SV2B: variants seen among roughly 807,000 people sequenced by gnomAD.
SV2B encodes the protein solute carrier family 22 member B2.
SV2B carries 41 observed loss-of-function variants against 73.9 expected under a neutral mutation model. That is an observed-to-expected ratio of 0.56 (90% CI 0.43 to 0.72). The LOEUF is 0.72. Ranked by LOEUF, SV2B falls within the 30% of genes least tolerant of loss-of-function variation. The pLI, the probability that SV2B is intolerant of heterozygous loss-of-function variation, is 0.00. For missense variants in SV2B, 764 were observed against 857.8 expected, an observed-to-expected ratio of 0.89 and a Z score of 1.37; for synonymous variants, 314 against 314.2, an observed-to-expected ratio of 1.00 and a Z score of 0.01.
At chr15:91,131,992 T>C (rs1437426543) in intron 1 of SV2B, among the ~76,000 whole-genome samples, 1 of 151,976 alleles carries the variant, frequency 6.6e-6, no homozygotes, top group Admixed American at 6.6e-5. Flanking sequence ...AAACAAAACT[T>C]AGCCAAGTGT....
At chr15:91,213,998 A>G (rs2045948196) in intron 1 of SV2B, among the ~76,000 whole-genome samples, 1 of 152,230 alleles carries the variant, frequency 6.6e-6, no homozygotes, top group Admixed American at 6.5e-5. Flanking sequence ...AGTGTTATTG[A>G]ATGGTATGTT....
At position 91,258,610 on chromosome 15, in the gene SV2B, G is replaced by T; in HGVS notation, c.918+56G>T. 6.2e-7 allele frequency: 1 copy of T among 1,608,060 alleles called. No homozygotes were observed. Among genetic ancestry groups the T allele is most frequent in the Non-Finnish European group, 8.5e-7 (1 of 1,177,134 alleles). On this transcript the variant is annotated intron_variant, in intron 5 of 12. Transcript: ENST00000394232. The surrounding 1 kb of genome is among the most constrained non-coding windows in gnomAD (Gnocchi z 4.7). ...GTGACAAAACAGCCACAGGAACCCA[G>T]CCTCGCTTCCTTCTCTCAGCTCCTA... is the stretch of plus-strand genomic sequence containing the variant.
chr15:91,190,094 C>T (rs1025320779), intron 1 of SV2B, among the ~76,000 whole-genome samples: 2 of 152,054 alleles, frequency 1.3e-5, no homozygotes, highest in African/African-American at 2.4e-5. Flanking sequence ...TTAGTTATTG[C>T]TGATAAAGAG....
At chr15:91,126,607 A>G (rs1198601321) in intron 1 of SV2B, among the ~76,000 whole-genome samples, 1 of 152,248 alleles carries the variant, frequency 6.6e-6, no homozygotes, top group African/African-American at 2.4e-5. Context: ...AAAATCCTCA[A>G]GAAAAATACT....
intron 1 of SV2B, among the ~76,000 whole-genome samples, chr15:91,187,203 T>A (rs1318023007): frequency 6.6e-6 from 1 of 152,238 alleles, no homozygotes; most frequent in African/African-American, 2.4e-5. Context: ...TGGAGGTGAA[T>A]AATTTATCTG....
At position 91,249,068 on chromosome 15, in the gene SV2B, T is replaced by TCACATACACA. The variant is rs1290015975; in HGVS notation, c.452-2747_452-2746insTACACACACA. ...TGCATGCATCCATACATCTACGTTTTCACACACACACACACACACACACAC... is the reference window on the plus strand; with the variant it reads ...TGCATGCATCCATACATCTACGTTTTCACATACACACACACACACACACACACACACACAC... On this transcript the variant is annotated intron_variant, in intron 2 of 12. Coordinates refer to ENST00000394232, the MANE Select transcript of SV2B (RefSeq NM_001323032.3). Among the ~76,000 whole-genome samples, 324 of 142,112 alleles carry TCACATACACA rather than the reference T, an allele frequency of 2.3e-3. 4 individuals are homozygous for TCACATACACA. The highest frequency in any genetic ancestry group is 8.3e-3 in the African/African-American group (307 of 37,118). The allele number at this position is 142,112 out of a possible 152,430, so 93.2% of individuals were successfully genotyped here.
intron 1 of SV2B, among the ~76,000 whole-genome samples, chr15:91,222,906 T>C (rs2046263290): frequency 6.6e-6 from 1 of 152,254 alleles, no homozygotes; most frequent in Non-Finnish European, 1.5e-5. Flanking sequence ...CTGTTTGATG[T>C]TGTTATTTCA....
rs1385741697 is a variant in SV2B at position 91,122,736 on chromosome 15, A to T, written c.-392+22373A>T. Among the ~76,000 whole-genome samples the T allele has an allele frequency of 1.3e-5, 2 of 152,222 alleles. No homozygotes were observed. Among genetic ancestry groups the T allele is most frequent in the African/African-American group, 4.8e-5 (2 of 41,446 alleles). On this transcript the variant is annotated intron_variant, in intron 1 of 12. Transcript: ENST00000394232. The surrounding 1 kb of genome is among the most constrained non-coding windows in gnomAD (Gnocchi z 4.3). ...GCTTCATCCTGGAGGATATTACATT[A>T]AATGAAATACGCCGGGCACAGAGAG...
chr15:91,291,610 A>G (rs2049041867), intron 12 of SV2B, among the ~76,000 whole-genome samples: 1 of 152,236 alleles, frequency 6.6e-6, no homozygotes, highest in Non-Finnish European at 1.5e-5. Flanking sequence ...CAGCAACCTC[A>G]GGTAACTGTG....
chr15:91,266,231 T>C (rs946537028), intron 6 of SV2B, among the ~76,000 whole-genome samples: 18 of 152,236 alleles, frequency 1.2e-4, no homozygotes, highest in African/African-American at 4.3e-4. Context: ...CAAGCTGTCT[T>C]AGACCTAGCC....
rs1364927896 is a variant in SV2B at position 91,124,744 on chromosome 15, C to T, written c.-392+24381C>T. ...TCTTGGCTCACTGCAACCTCCACCT[C>T]CTGGGTTCAAGCGATTCTTGAGCCT... On this transcript the variant is annotated intron_variant, in intron 1 of 12. Transcript: ENST00000394232. This position sits in a 1 kb window ranked among gnomAD's most constrained non-coding sequence, Gnocchi z 4.6. Among the ~76,000 whole-genome samples the T allele has an allele frequency of 6.6e-6, 1 of 152,058 alleles. No homozygotes were observed. The highest frequency in any genetic ancestry group is 1.9e-4 in the East Asian group (1 of 5,188).
chr15:91,246,713 ACCT>A (rs3837743), intron 2 of SV2B, among the ~76,000 whole-genome samples: 19,548 of 141,716 alleles, frequency 0.14, 1,297 homozygotes, highest in Middle Eastern at 0.18. Flanking sequence ...CCTCCTTTCA[ACCT>A]CCTCCTCCTC....
At chr15:91,151,817 G>A (rs2043320670) in intron 1 of SV2B, among the ~76,000 whole-genome samples, 1 of 152,146 alleles carries the variant, frequency 6.6e-6, no homozygotes, top group South Asian at 2.1e-4. Context: ...TTCCAGGCAA[G>A]AGTGAGATGG....
chr15:91,117,315 T>C (rs1465274736), intron 1 of SV2B, among the ~76,000 whole-genome samples: 1 of 152,204 alleles, frequency 6.6e-6, no homozygotes. Flanking sequence ...ACACACTTGT[T>C]AAAAGGAATG....
chr15:91,265,958 T>C lies in SV2B; in HGVS notation c.1009-624T>C, dbSNP rs1172122629. Among the ~76,000 whole-genome samples, 1 of 152,148 alleles carries C rather than the reference T, an allele frequency of 6.6e-6. No homozygotes were observed. ...GAGATGGAGACCATCCTGGCCAACATGGTGAAACCCTGTCTCTATTAAAAA... is the reference window on the plus strand; with the variant it reads ...GAGATGGAGACCATCCTGGCCAACACGGTGAAACCCTGTCTCTATTAAAAA... On this transcript the variant is annotated intron_variant, in intron 6 of 12. Coordinates refer to ENST00000394232, the MANE Select transcript of SV2B (RefSeq NM_001323032.3). This position sits in a 1 kb window ranked among gnomAD's most constrained non-coding sequence, Gnocchi z 4.2.
At position 91,288,513 on chromosome 15, in the gene SV2B, G is replaced by A. The variant is rs146545042; in HGVS notation, c.1709-1008G>A. 5.5e-4 allele frequency among the ~76,000 whole-genome samples: 83 copies of A among 151,452 alleles called. No homozygotes were observed. Among genetic ancestry groups the A allele is most frequent in the African/African-American group, 1.9e-3 (79 of 41,202 alleles). On this transcript the variant is annotated intron_variant, in intron 11 of 12. Coordinates refer to ENST00000394232, the MANE Select transcript of SV2B (RefSeq NM_001323032.3). This position sits in a 1 kb window ranked among gnomAD's most constrained non-coding sequence, Gnocchi z 5.8. Reference sequence around the variant, plus strand: ...TCTCGAAAAGTGAGATGATGCAGATGTTTCTGTGCCTGGTTTACCCCATGG... The same window carrying A: ...TCTCGAAAAGTGAGATGATGCAGATATTTCTGTGCCTGGTTTACCCCATGG...
At position 91,298,056 on chromosome 15, in the gene SV2B, G is replaced by T. The variant is rs370706804; in HGVS notation, c.*5504G>T. On this transcript the variant is annotated 3_prime_UTR_variant, in exon 13 of 13. Transcript: ENST00000394232. This position sits in a 1 kb window ranked among gnomAD's most constrained non-coding sequence, Gnocchi z 5.4. ...TCCCCCTAGCTAGGGATGCACGGGG[G>T]TGATCAAGACATGACTAGATGTGAA... The T allele has an allele frequency of 1.3e-5, 2 of 152,172 alleles. No homozygotes were observed. Among genetic ancestry groups the T allele is most frequent in the Non-Finnish European group, 2.9e-5 (2 of 68,042 alleles). The allele number at this position is 152,172 out of a possible 1,614,324, so 9.4% of individuals were successfully genotyped here. A position where few individuals can be genotyped will look rare whatever the true frequency, so the allele number is the denominator to read the frequency against.
chr15:91,117,212 T>C (rs1052043676), intron 1 of SV2B, among the ~76,000 whole-genome samples: 2 of 152,194 alleles, frequency 1.3e-5, no homozygotes, highest in Non-Finnish European at 2.9e-5. Context: ...GGATTGAAGC[T>C]TGTCTCTTTC....
intron 1 of SV2B, among the ~76,000 whole-genome samples, chr15:91,225,668 C>T (rs2046350674): frequency 6.6e-6 from 1 of 152,194 alleles, no homozygotes; most frequent in Non-Finnish European, 1.5e-5. Context: ...AAGGGCCTCT[C>T]TGACCACGGT....
Sources: allele counts gnomAD v4.1 joint callset (sites outside exome capture counted in the v4.1 genomes callset), GRCh38; gene constraint gnomAD v4.1.1; non-coding constraint Gnocchi (gnomAD v3.1); transcripts MANE v1.5; gene names NCBI Gene and HGNC (gene_info 2026-07-23, HGNC 2026-07-21).